Variants in BAZ1B observed in about 807,000 individuals in gnomAD.
BAZ1B encodes the protein bromodomain adjacent to zinc finger domain 1B.
A neutral mutation model predicts 153.8 loss-of-function variants in BAZ1B; 22 were observed. The ratio of observed to expected loss-of-function variants is 0.14; its 90% CI spans 0.10 to 0.20. The LOEUF is 0.20. BAZ1B is among the 10% of genes least tolerant of loss of function. The pLI is 1.00. For synonymous variants in BAZ1B, 676 were observed against 633.4 expected (o/e 1.07, Z -1.01); for missense variants, 1,325 against 1,799.3 (o/e 0.74, Z 4.77).
intron 15 of BAZ1B, among the ~76,000 whole-genome samples, chr7:73,448,731 G>T (rs1487949380): frequency 2.6e-5 from 4 of 152,156 alleles, no homozygotes; most frequent in Non-Finnish European, 5.9e-5. Context: ...AACAACAAAC[G>T]GTCTGTAACA....
intron 17 of BAZ1B, among the ~76,000 whole-genome samples, 159 bp from the exon 18 acceptor site, chr7:73,442,987 C>T (rs1787685005): frequency 6.6e-6 from 1 of 152,182 alleles, no homozygotes; most frequent in South Asian, 2.1e-4. Flanking sequence ...CAGGGAGCAC[C>T]CTCGGCCCAG....
chr7:73,483,426 G>C (rs1253356252), intron 6 of BAZ1B, among the ~76,000 whole-genome samples: 1 of 152,116 alleles, frequency 6.6e-6, no homozygotes, highest in Non-Finnish European at 1.5e-5. Flanking sequence ...CAACATGTTA[G>C]AACTCTGAGG....
At chr7:73,508,517 C>A in intron 2 of BAZ1B, 46 bp from the exon 3 acceptor site, 1 of 1,546,050 alleles carries the variant, frequency 6.5e-7, no homozygotes, top group Non-Finnish European at 8.8e-7. Context: ...AAACACCTAC[C>A]CAGAGATTTA....
chr7:73,482,424 A>G (rs1481037388), intron 6 of BAZ1B, among the ~76,000 whole-genome samples: 1 of 152,208 alleles, frequency 6.6e-6, no homozygotes, highest in Non-Finnish European at 1.5e-5. Context: ...CAGCCTTGGA[A>G]AATCTTCAGA....
In BAZ1B at chr7:73,444,097, T is replaced by C; in HGVS notation, c.3877A>G (p.Ser1293Gly). 6.2e-7 allele frequency: 1 copy of C among 1,610,500 alleles called. No homozygotes were observed. The highest frequency in any genetic ancestry group is 8.5e-7 in the Non-Finnish European group (1 of 1,178,592). The stretch of plus-strand genomic sequence containing the variant: ...GACCTTGCTGCAGGGGGGATGACGC[T>C]GTGCTTGCCCCGGATGGTCTTTCGA... ...RPRKTIRGKH[S>G]VIPPAARSGR... Residue 1293 changes from serine (S) to glycine (G), a missense_variant, in exon 17 of 20, where the codon AGC becomes GGC. Transcript: ENST00000339594.
chr7:73,463,239 CTT>C (rs11340027), intron 11 of BAZ1B, 140 bp from the exon 12 acceptor site: 19,373 of 452,532 alleles, frequency 0.043, 6 homozygotes, highest in Middle Eastern at 0.058. Flanking sequence ...TTTCTTTTTT[CTT>C]TTTTTTTTTT....
intron 19 of BAZ1B, 68 bp downstream of exon 19, chr7:73,442,113 G>A (rs189700710): frequency 1.9e-6 from 2 of 1,069,828 alleles, no homozygotes; most frequent in Non-Finnish European, 2.7e-6. Flanking sequence ...TCTCTTCCAG[G>A]TTCTTGGTCT....
intron 4 of BAZ1B, among the ~76,000 whole-genome samples, chr7:73,494,390 A>C (rs894416964): frequency 7.2e-5 from 11 of 152,262 alleles, no homozygotes; most frequent in East Asian, 5.8e-4. Flanking sequence ...CTCAAAAAGA[A>C]GACGAACATA....
At chr7:73,485,096 G>T (rs1192026005) in intron 6 of BAZ1B, among the ~76,000 whole-genome samples, 1 of 152,008 alleles carries the variant, frequency 6.6e-6, no homozygotes, top group Non-Finnish European at 1.5e-5. Flanking sequence ...AAATATCCTT[G>T]ATTTTTTTGT....
At chr7:73,517,220 C>T (rs1045642120) in intron 1 of BAZ1B, among the ~76,000 whole-genome samples, 1 of 151,156 alleles carries the variant, frequency 6.6e-6, no homozygotes, top group Non-Finnish European at 1.5e-5. Context: ...AGGCCACACA[C>T]AGTGGCTCAT....
intron 13 of BAZ1B, among the ~76,000 whole-genome samples, chr7:73,453,043 T>C (rs1788074320): frequency 6.6e-6 from 1 of 152,250 alleles, no homozygotes; most frequent in African/African-American, 2.4e-5. Flanking sequence ...ACAATCCATT[T>C]TTATAAATAA....
chr7:73,458,750 G>A (rs957927630), intron 13 of BAZ1B, among the ~76,000 whole-genome samples: 1 of 151,848 alleles, frequency 6.6e-6, no homozygotes, highest in African/African-American at 2.4e-5. Flanking sequence ...GAGCAAGCAT[G>A]GCTGGGCGCA....
Position 73,446,312 on chromosome 7 carries a change from T to C in BAZ1B, c.3844+952A>G, listed in dbSNP as rs532470009. Reference sequence around the variant, plus strand: ...TAAAGAAAAGTGTATTGGCCGGGCATAGTGGCTTATGCCTGTAATCCCAGC... The same window carrying C: ...TAAAGAAAAGTGTATTGGCCGGGCACAGTGGCTTATGCCTGTAATCCCAGC... On this transcript the variant is annotated intron_variant, in intron 16 of 19. Coordinates refer to ENST00000339594, the MANE Select transcript of BAZ1B (RefSeq NM_032408.4). Among the ~76,000 whole-genome samples the C allele has an allele frequency of 8.5e-5, 13 of 152,164 alleles. No homozygotes were observed. The South Asian group carries it at 2.3e-3, about 27-fold the overall frequency.
At position 73,446,984 on chromosome 7, in the gene BAZ1B, T is replaced by C. The variant is rs143721796; in HGVS notation, c.3844+280A>G. ...GCCGAGGAGCTGAGAATCAGCAGCCTTGGCATAAATATACTTGGGACCATG... is the reference window on the plus strand; with the variant it reads ...GCCGAGGAGCTGAGAATCAGCAGCCCTGGCATAAATATACTTGGGACCATG... On this transcript the variant is annotated intron_variant, in intron 16 of 19. Coordinates refer to ENST00000339594, the MANE Select transcript of BAZ1B (RefSeq NM_032408.4). 2.6e-4 allele frequency among the ~76,000 whole-genome samples: 39 copies of C among 152,384 alleles called. No homozygotes were observed. The East Asian group carries it at 7.5e-3, about 29-fold the overall frequency.
In BAZ1B at chr7:73,441,589, C is replaced by T. The variant is rs1213136306; in HGVS notation, c.*120G>A. Reference sequence around the variant, plus strand: ...AAGAAGGGGAGATTCAGGAATGGCTCCAGGACACGTCCCTTTACTCTGCCA... The same window carrying T: ...AAGAAGGGGAGATTCAGGAATGGCTTCAGGACACGTCCCTTTACTCTGCCA... On this transcript the variant is annotated 3_prime_UTR_variant, in exon 20 of 20. Transcript: ENST00000339594. The T allele has an allele frequency of 1.3e-5, 2 of 152,466 alleles. No individual in the cohort carries two copies. The highest frequency in any genetic ancestry group is 1.3e-4 in the Admixed American group (2 of 15,242). The allele number at this position is 152,466 out of a possible 1,614,324, so 9.4% of individuals were successfully genotyped here.
At chr7:73,463,620 T>C (rs768329017) in intron 11 of BAZ1B, among the ~76,000 whole-genome samples, 1 of 152,134 alleles carries the variant, frequency 6.6e-6, no homozygotes, top group Non-Finnish European at 1.5e-5. Flanking sequence ...TCAACACACA[T>C]AGCTATCAAA....
At chr7:73,497,120 A>G (rs1789942010) in intron 4 of BAZ1B, among the ~76,000 whole-genome samples, 2 of 146,840 alleles carry the variant, frequency 1.4e-5, no homozygotes, top group Non-Finnish European at 3.0e-5. Flanking sequence ...GTGCATGCCT[A>G]CGGTCCCAGC....
intron 1 of BAZ1B, among the ~76,000 whole-genome samples, chr7:73,514,228 A>T (rs1229910147): frequency 1.3e-5 from 2 of 152,120 alleles, no homozygotes; most frequent in African/African-American, 2.4e-5. Flanking sequence ...GAAAAAAACA[A>T]AACAAAAAAA....
chr7:73,505,633 A>G lies in BAZ1B; in HGVS notation c.369+2694T>C, dbSNP rs908833939. On this transcript the variant is annotated intron_variant, in intron 3 of 19. Transcript: ENST00000339594. ...AATTAAACATTTGTCCTGAGAGGGAAAAAAAAAAAACAGTTCAAGCAATTC... is the reference window on the plus strand; with the variant it reads ...AATTAAACATTTGTCCTGAGAGGGAGAAAAAAAAAACAGTTCAAGCAATTC... 2.3e-3 allele frequency among the ~76,000 whole-genome samples: 224 copies of G among 98,160 alleles called. 1 individual carries two copies. Among genetic ancestry groups the G allele is most frequent in the African/African-American group, 8.5e-3 (192 of 22,586 alleles). The allele number at this position is 98,160 out of a possible 152,430, so 64.4% of individuals were successfully genotyped here. A position where few individuals can be genotyped will look rare whatever the true frequency, so the allele number is the denominator to read the frequency against.
Sources: allele counts gnomAD v4.1 joint callset (sites outside exome capture counted in the v4.1 genomes callset), GRCh38; gene constraint gnomAD v4.1.1; transcripts MANE v1.5; gene names NCBI Gene and HGNC (gene_info 2026-07-23, HGNC 2026-07-21).